LRRFIP1: variants seen among roughly 807,000 people sequenced by gnomAD.
The protein encoded by LRRFIP1 is leucine-rich repeat flightless-interacting protein 1.
A neutral mutation model predicts 104.4 loss-of-function variants in LRRFIP1; 62 were observed. The observed-to-expected ratio is 0.59, with a 90% CI of 0.48 to 0.73. LRRFIP1 has a LOEUF of 0.73. Ranked by LOEUF, LRRFIP1 falls within the 30% of genes least tolerant of loss-of-function variation. LRRFIP1 has a pLI of 0.00. For missense variants in LRRFIP1, 796 were observed against 824.5 expected (o/e 0.97, Z 0.42); for synonymous variants, 300 against 299.0 (o/e 1.00, Z -0.03).
chr2:237,755,602 C>T (rs890471651), intron 15 of LRRFIP1, among the ~76,000 whole-genome samples: 3 of 152,304 alleles, frequency 2.0e-5, no homozygotes, highest in Admixed American at 6.5e-5. Context: ...CATCAGGCAT[C>T]ATCTATAAAG....
chr2:237,727,943 T>C lies in LRRFIP1; in HGVS notation c.444+8T>C, dbSNP rs2094829328. On this transcript the variant is annotated splice_region_variant and intron_variant, in intron 8 of 23. Transcript: ENST00000308482. ...AATAGAAGATCTGGCAGGGTTAGTA[T>C]AGTAAATTTGCATGGCTCAAAATTC... 1 of 1,597,910 alleles carries C rather than the reference T, an allele frequency of 6.3e-7. No homozygotes were observed.
chr2:237,696,526 G>A (rs551278911), intron 1 of LRRFIP1, among the ~76,000 whole-genome samples: 42 of 152,310 alleles, frequency 2.8e-4, no homozygotes, highest in Non-Finnish European at 5.0e-4. Flanking sequence ...CCCCTGCTGC[G>A]CCCACCTGGT....
intron 19 of LRRFIP1, chr2:237,764,085 A>T (rs2060116210): frequency 1.2e-6 from 2 of 1,614,216 alleles, no homozygotes; most frequent in East Asian, 4.5e-5. Flanking sequence ...AGCAGAGAAG[A>T]TACCAGAGGA....
chr2:237,679,690 C>A (rs1464069309), intron 1 of LRRFIP1, among the ~76,000 whole-genome samples: 1 of 152,170 alleles, frequency 6.6e-6, no homozygotes, highest in Non-Finnish European at 1.5e-5. Context: ...CTCACTGCAA[C>A]CTCTGCCAAC....
intron 19 of LRRFIP1, among the ~76,000 whole-genome samples, chr2:237,761,370 G>T (rs1160429807): frequency 2.6e-5 from 4 of 152,196 alleles, no homozygotes; most frequent in Non-Finnish European, 1.5e-5. Context: ...AGATAGGTAT[G>T]TAGTATCTAT....
At chr2:237,646,473 T>C (rs1305373464) in intron 1 of LRRFIP1, among the ~76,000 whole-genome samples, 1 of 151,670 alleles carries the variant, frequency 6.6e-6, no homozygotes, top group African/African-American at 2.4e-5. Flanking sequence ...TTTCCTATTC[T>C]GCGTTAGTTT....
At position 237,717,557 on chromosome 2, in the gene LRRFIP1, T is replaced by C. The variant is rs773068669; in HGVS notation, c.202-205T>C. Among the ~76,000 whole-genome samples the C allele has an allele frequency of 6.6e-5, 10 of 152,186 alleles. No homozygotes were observed. The highest frequency in any genetic ancestry group is 1.2e-4 in the Non-Finnish European group (8 of 68,024). Reference sequence around the variant, plus strand: ...ATGGGGTGGGCTGGGAGGATCTCTCTTCACAGCTCACAGCCTGCATGACTG... The same window carrying C: ...ATGGGGTGGGCTGGGAGGATCTCTCCTCACAGCTCACAGCCTGCATGACTG... On this transcript the variant is annotated intron_variant, in intron 3 of 23. Transcript: ENST00000308482. The surrounding 1 kb of genome is among the most constrained non-coding windows in gnomAD (Gnocchi z 4.2).
In LRRFIP1 at chr2:237,766,405, G is replaced by A. The variant is rs1413648867; in HGVS notation, c.1460-3538G>A. 6.6e-6 allele frequency among the ~76,000 whole-genome samples: 1 copy of A among 152,102 alleles called. No homozygotes were observed. Among genetic ancestry groups the A allele is most frequent in the Non-Finnish European group, 1.5e-5 (1 of 68,026 alleles). ...ACTTTAGCAAAGCTGCATTCCTATT[G>A]GAATGCATACTGGAAACAGCTCTCA... On this transcript the variant is annotated intron_variant, in intron 19 of 23. Transcript: ENST00000308482. The surrounding 1 kb of genome is among the most constrained non-coding windows in gnomAD (Gnocchi z 4.8).
rs377174065 is a variant in LRRFIP1, at chr2:237,672,014, C to T, written c.97-36530C>T. Among the ~76,000 whole-genome samples the T allele has an allele frequency of 3.8e-4, 57 of 151,848 alleles. No individual in the cohort carries two copies. In the South Asian group the frequency reaches 8.3e-3, roughly 22 times the overall value. ...CTTATTTCCACTTCTGCTTCTTTAA[C>T]GAAATTATATGACTTGATACAGTAT... On this transcript the variant is annotated intron_variant, in intron 1 of 23. Transcript: ENST00000308482.
chr2:237,663,709 G>GT (rs2088565901), intron 1 of LRRFIP1, among the ~76,000 whole-genome samples: 1 of 152,238 alleles, frequency 6.6e-6, no homozygotes, highest in Non-Finnish European at 1.5e-5. Flanking sequence ...GTGATGTTGC[G>GT]TTATCACTCA....
At chr2:237,712,318 T>C (rs1382226183) in intron 2 of LRRFIP1, among the ~76,000 whole-genome samples, 1 of 151,374 alleles carries the variant, frequency 6.6e-6, no homozygotes, top group African/African-American at 2.4e-5. Flanking sequence ...AAAACAAGAG[T>C]GGAGGAGGGA....
Position 237,669,245 on chromosome 2 carries a change from A to C in LRRFIP1, c.97-39299A>C, listed in dbSNP as rs536092886. Among the ~76,000 whole-genome samples, 85 of 152,280 alleles carry C rather than the reference A, an allele frequency of 5.6e-4. 1 individual carries two copies. The highest frequency in any genetic ancestry group is 2.0e-3 in the African/African-American group (85 of 41,542). ...TTAGAATATTAGAAGTGCAATTTAA[A>C]CCCCAAACCTACAAACACGGTTAAG... On this transcript the variant is annotated intron_variant, in intron 1 of 23. Transcript: ENST00000308482.
intron 1 of LRRFIP1, among the ~76,000 whole-genome samples, chr2:237,681,454 C>T (rs890695259): frequency 6.6e-6 from 1 of 151,876 alleles, no homozygotes; most frequent in African/African-American, 2.4e-5. Flanking sequence ...GCAACCTCCG[C>T]CTCCTGGGTT....
chr2:237,745,682 T>A (rs920657536), intron 11 of LRRFIP1, among the ~76,000 whole-genome samples: 1 of 152,176 alleles, frequency 6.6e-6, no homozygotes, highest in Non-Finnish European at 1.5e-5. Flanking sequence ...AGGGCTTGGG[T>A]GGGCCCTTCT....
chr2:237,720,198 C>T (rs1258635907), intron 5 of LRRFIP1, among the ~76,000 whole-genome samples: 3 of 152,072 alleles, frequency 2.0e-5, no homozygotes, highest in Non-Finnish European at 4.4e-5. Context: ...CTGCCCACCT[C>T]GGCCTCCCAA....
chr2:237,779,171 G>A (rs1432404583), intron 23 of LRRFIP1, among the ~76,000 whole-genome samples: 3 of 151,924 alleles, frequency 2.0e-5, no homozygotes, highest in African/African-American at 4.8e-5. Flanking sequence ...CCGAGATCAC[G>A]CCACTGCACT....
chr2:237,669,154 G>A (rs1042352260), intron 1 of LRRFIP1, among the ~76,000 whole-genome samples: 3 of 152,094 alleles, frequency 2.0e-5, no homozygotes, highest in East Asian at 1.9e-4. Flanking sequence ...TGTTTACTGC[G>A]GTGAATAGCA....
chr2:237,751,334 ACATCCT>A, intron 14 of LRRFIP1, 63 bp downstream of exon 14: 4 of 1,301,360 alleles, frequency 3.1e-6, no homozygotes, highest in Non-Finnish European at 4.3e-6. Flanking sequence ...AAAAAAAACA[ACATCCT>A]AAAGAAGAAA....
chr2:237,695,873 A>C (rs914757787), intron 1 of LRRFIP1, among the ~76,000 whole-genome samples: 1 of 152,144 alleles, frequency 6.6e-6, no homozygotes, highest in African/African-American at 2.4e-5. Flanking sequence ...CAAATTAAAT[A>C]TTTTGACTAC....
Sources: allele counts gnomAD v4.1 joint callset (sites outside exome capture counted in the v4.1 genomes callset), GRCh38; gene constraint gnomAD v4.1.1; non-coding constraint Gnocchi (gnomAD v3.1); transcripts MANE v1.5; gene names NCBI Gene and HGNC (gene_info 2026-07-23, HGNC 2026-07-21).